Variants in UNC13C observed in about 807,000 individuals in gnomAD.
The protein encoded by UNC13C is protein unc-13 homolog C.
Under a neutral mutation model 245.4 loss-of-function variants are expected in UNC13C, and 174 were observed. The observed-to-expected ratio is 0.71, with a 90% CI of 0.63 to 0.80. The LOEUF (loss-of-function observed/expected upper bound fraction) is 0.80. UNC13C is among the 30% of genes least tolerant of loss of function. The pLI, the probability that UNC13C is intolerant of heterozygous loss-of-function variation, is 0.00. For synonymous variants in UNC13C, 992 were observed against 895.1 expected (o/e 1.11, Z -1.93); for missense variants, 2,829 against 2,602.9 (o/e 1.09, Z -1.89).
chr15:54,518,987 T>C (rs752631937), intron 24 of UNC13C, among the ~76,000 whole-genome samples: 1 of 152,176 alleles, frequency 6.6e-6, no homozygotes, highest in African/African-American at 2.4e-5. Flanking sequence ...CCTGTTTTTT[T>C]AATGAACATT....
At chr15:54,413,427 A>G (rs754470978) in intron 18 of UNC13C, among the ~76,000 whole-genome samples, 5 of 152,154 alleles carry the variant, frequency 3.3e-5, no homozygotes, top group Non-Finnish European at 7.4e-5. Context: ...CTAATGTACT[A>G]CAAAATGTGT....
At chr15:54,481,558 T>A (rs932090928) in intron 19 of UNC13C, among the ~76,000 whole-genome samples, 11 of 152,092 alleles carry the variant, frequency 7.2e-5, no homozygotes, top group Non-Finnish European at 1.5e-4. Flanking sequence ...CAAGTACTGG[T>A]TGCAGCAGCA....
At chr15:54,444,351 CAT>C (rs1288044891) in intron 19 of UNC13C, among the ~76,000 whole-genome samples, 1 of 150,538 alleles carries the variant, frequency 6.6e-6, no homozygotes, top group African/African-American at 2.4e-5. Flanking sequence ...CATGTATATA[CAT>C]ATATATGTAT....
chr15:54,327,949 G>A (rs1300164471), intron 14 of UNC13C, among the ~76,000 whole-genome samples: 1 of 152,006 alleles, frequency 6.6e-6, no homozygotes, highest in Non-Finnish European at 1.5e-5. Context: ...ATGTGAAGGG[G>A]CAGAAAAAGA....
At chr15:53,946,983 C>A in the UNC13C span, among the ~76,000 whole-genome samples, 5 of 152,022 alleles carry the variant, frequency 3.3e-5, no homozygotes, top group African/African-American at 9.7e-5. Flanking sequence ...CAGAGTCTAG[C>A]GGGTTCTAAT....
At chr15:53,975,573 C>T (rs1893670192), upstream of UNC13C, among the ~76,000 whole-genome samples, 1 of 152,168 alleles carries the variant, frequency 6.6e-6, no homozygotes, top group African/African-American at 2.4e-5. Context: ...TCAAGGATTC[C>T]TCTATTGCTT....
intron 17 of UNC13C, among the ~76,000 whole-genome samples, chr15:54,342,798 T>TG (rs398118861): frequency 6.6e-6 from 1 of 152,162 alleles, no homozygotes; most frequent in East Asian, 1.9e-4. Context: ...TTGTTTTTTT[T>TG]GTTTTGCTTT....
At chr15:53,970,036 CT>C in the UNC13C span, among the ~76,000 whole-genome samples, 1 of 149,992 alleles carries the variant, frequency 6.7e-6, no homozygotes, top group East Asian at 1.9e-4. Context: ...CATACTATAG[CT>C]TGTGACAAGT....
At chr15:53,846,229 A>T in the UNC13C span, among the ~76,000 whole-genome samples, 2 of 152,102 alleles carry the variant, frequency 1.3e-5, no homozygotes, top group African/African-American at 2.4e-5. Context: ...TTAAGGAGCA[A>T]CTCTACTGAC....
chr15:54,401,543 A>G (rs1178989725), intron 18 of UNC13C, among the ~76,000 whole-genome samples: 1 of 152,214 alleles, frequency 6.6e-6, no homozygotes, highest in Non-Finnish European at 1.5e-5. Flanking sequence ...AAGTTTATGA[A>G]TTTGAAGATA....
intron 14 of UNC13C, among the ~76,000 whole-genome samples, chr15:54,328,179 G>C (rs2038346067): frequency 3.9e-5 from 6 of 152,132 alleles, no homozygotes; most frequent in Admixed American, 3.9e-4. Flanking sequence ...TTTTGTCATT[G>C]AAAGCATCAT....
chr15:54,000,038 A>T (rs903178460), intron 1 of UNC13C, among the ~76,000 whole-genome samples: 1 of 152,086 alleles, frequency 6.6e-6, no homozygotes, highest in African/African-American at 2.4e-5. Context: ...TGAGTATGTG[A>T]TATTTTGACA....
chr15:54,067,283 C>A (rs1261566287), intron 2 of UNC13C, among the ~76,000 whole-genome samples: 1 of 152,048 alleles, frequency 6.6e-6, no homozygotes, highest in Non-Finnish European at 1.5e-5. Context: ...GTCTTTTAAT[C>A]CTTTATTTTA....
At chr15:54,433,397 GTT>G (rs2040912366) in intron 19 of UNC13C, among the ~76,000 whole-genome samples, 2 of 152,066 alleles carry the variant, frequency 1.3e-5, no homozygotes, top group African/African-American at 4.8e-5. Context: ...GTTCAAGTCA[GTT>G]TCATCCCTGG....
intron 17 of UNC13C, among the ~76,000 whole-genome samples, chr15:54,361,600 A>G (rs1373325679): frequency 6.6e-6 from 1 of 152,188 alleles, no homozygotes; most frequent in African/African-American, 2.4e-5. Flanking sequence ...GAAGAGAATC[A>G]CCTTGCCCAA....
intron 2 of UNC13C, among the ~76,000 whole-genome samples, chr15:54,064,120 G>A (rs1231035349): frequency 6.6e-6 from 1 of 150,718 alleles, no homozygotes; most frequent in Non-Finnish European, 1.5e-5. Flanking sequence ...CACATTTTGT[G>A]TCTAGCTTTT....
intron 30 of UNC13C, among the ~76,000 whole-genome samples, chr15:54,605,454 G>T (rs1174327022): frequency 6.6e-6 from 1 of 152,056 alleles, no homozygotes. Context: ...ATACTCTTTT[G>T]TCTTGCTTTG....
chr15:54,394,351 T>C (rs1490952700), intron 18 of UNC13C, among the ~76,000 whole-genome samples: 1 of 151,798 alleles, frequency 6.6e-6, no homozygotes. Flanking sequence ...CTAATTCTTA[T>C]ATCTGCCTTT....
the UNC13C span, among the ~76,000 whole-genome samples, chr15:53,861,674 A>G: frequency 6.6e-6 from 1 of 152,204 alleles, no homozygotes; most frequent in Non-Finnish European, 1.5e-5. Context: ...TGAGGTAAAG[A>G]AAGACATGAA....
Sources: allele counts gnomAD v4.1 joint callset (sites outside exome capture counted in the v4.1 genomes callset), GRCh38; gene constraint gnomAD v4.1.1; transcripts MANE v1.5; gene names NCBI Gene and HGNC (gene_info 2026-07-23, HGNC 2026-07-21).